Variants in RIMS1 observed in about 807,000 individuals in gnomAD.
RIMS1 encodes regulating synaptic membrane exocytosis 1, also known as regulating synaptic membrane exocytosis protein 1.
In RIMS1, 83 loss-of-function variants were observed where a neutral mutation model predicts 214.1. The observed-to-expected ratio is 0.39, with a 90% CI of 0.32 to 0.47. The LOEUF (loss-of-function observed/expected upper bound fraction) is 0.47. Among genes scored for constraint, RIMS1 ranks in the 20% least tolerant of loss-of-function variants. The probability of loss-of-function intolerance (pLI) is 0.99; values close to 1 mark genes in which losing one functional copy is unlikely to be tolerated. For synonymous variants in RIMS1, 793 were observed against 786.8 expected (o/e 1.01, Z -0.13); for missense variants, 2,050 against 2,161.8 (o/e 0.95, Z 1.03).
At chr6:72,242,481 G>A (rs148278159) in intron 10 of RIMS1, 44 bp downstream of exon 10, 2 of 1,395,908 alleles carry the variant, frequency 1.4e-6, no homozygotes, top group East Asian at 2.5e-5. Flanking sequence ...TAAATTACAT[G>A]TATTAGTAGG....
chr6:72,282,428 G>A (rs2090575003), intron 23 of RIMS1, among the ~76,000 whole-genome samples: 1 of 152,094 alleles, frequency 6.6e-6, no homozygotes, highest in Admixed American at 6.5e-5. Flanking sequence ...GACCACAGAA[G>A]CAATAAAGTA....
intron 29 of RIMS1, among the ~76,000 whole-genome samples, chr6:72,366,042 G>A (rs531502723): frequency 5.3e-5 from 8 of 152,312 alleles, no homozygotes; most frequent in African/African-American, 1.7e-4. Flanking sequence ...TATGATAAGG[G>A]TTAATGGAAA....
At chr6:72,157,011 A>G (rs2153919506) in intron 4 of RIMS1, among the ~76,000 whole-genome samples, 1 of 140,758 alleles carries the variant, frequency 7.1e-6, no homozygotes. Context: ...TATCTGTGCA[A>G]TTGGTCTAGT....
intron 2 of RIMS1, among the ~76,000 whole-genome samples, chr6:72,054,123 T>G (rs955541085): frequency 6.6e-6 from 1 of 151,366 alleles, no homozygotes; most frequent in African/African-American, 2.4e-5. Flanking sequence ...TTCCCCTCCC[T>G]TTGTCCATTC....
chr6:72,152,674 A>G (rs1285504638), intron 4 of RIMS1, among the ~76,000 whole-genome samples: 3 of 150,082 alleles, frequency 2.0e-5, no homozygotes, highest in African/African-American at 7.4e-5. Context: ...GGAAAGACAT[A>G]TATATTCCAT....
chr6:72,219,759 C>T (rs1032074377), intron 6 of RIMS1, among the ~76,000 whole-genome samples: 1 of 151,700 alleles, frequency 6.6e-6, no homozygotes, highest in African/African-American at 2.4e-5. Flanking sequence ...GCCCTTGAAA[C>T]TTGTTCTTCT....
intron 6 of RIMS1, among the ~76,000 whole-genome samples, chr6:72,184,395 A>G (rs924564172): frequency 1.3e-5 from 2 of 152,362 alleles, no homozygotes; most frequent in Admixed American, 1.3e-4. Context: ...CTGTTGCTGC[A>G]GCTACGTCAG....
chr6:72,246,655 C>T (rs1464704544), intron 11 of RIMS1, among the ~76,000 whole-genome samples: 1 of 152,100 alleles, frequency 6.6e-6, no homozygotes, highest in Admixed American at 6.5e-5. Context: ...GAAACAGACA[C>T]TAGGTTATCA....
chr6:72,023,303 C>T (rs186467261), intron 2 of RIMS1, among the ~76,000 whole-genome samples: 71 of 152,102 alleles, frequency 4.7e-4, no homozygotes, highest in Admixed American at 8.5e-4. Context: ...GTCATACTTA[C>T]GTGTTGTAAA....
intron 1 of RIMS1, among the ~76,000 whole-genome samples, chr6:71,951,849 G>A (rs952261559): frequency 6.6e-6 from 1 of 151,950 alleles, no homozygotes; most frequent in African/African-American, 2.4e-5. Context: ...GGTAAACCAA[G>A]CCTCGAACTC....
At chr6:72,313,821 T>G in intron 28 of RIMS1, 149 bp downstream of exon 28, 1 of 787,568 alleles carries the variant, frequency 1.3e-6, no homozygotes, top group Non-Finnish European at 2.0e-6. Flanking sequence ...CAACAGAATG[T>G]TTAGTATTGA....
chr6:71,940,557 G>C (rs1785753685), intron 1 of RIMS1, among the ~76,000 whole-genome samples: 1 of 152,100 alleles, frequency 6.6e-6, no homozygotes, highest in Non-Finnish European at 1.5e-5. Flanking sequence ...GAGTTAAATG[G>C]GCAAGGAAGA....
chr6:71,973,195 A>G (rs1190269046), intron 2 of RIMS1, among the ~76,000 whole-genome samples: 1 of 152,248 alleles, frequency 6.6e-6, no homozygotes, highest in Non-Finnish European at 1.5e-5. Context: ...GGTGTGAGCC[A>G]CTGCGCCCGG....
intron 29 of RIMS1, among the ~76,000 whole-genome samples, chr6:72,376,988 A>C (rs1248877729): frequency 6.6e-6 from 1 of 152,218 alleles, no homozygotes; most frequent in Non-Finnish European, 1.5e-5. Context: ...CTGAGCAATA[A>C]ATGGAAGTAC....
intron 2 of RIMS1, among the ~76,000 whole-genome samples, chr6:72,016,967 G>A (rs1812965608): frequency 6.6e-6 from 1 of 152,132 alleles, no homozygotes; most frequent in African/African-American, 2.4e-5. Context: ...TGAGGAAATG[G>A]TAATGTGCTA....
chr6:72,234,978 TTTAAAATA>T (rs1436804636), intron 7 of RIMS1, among the ~76,000 whole-genome samples: 1 of 152,108 alleles, frequency 6.6e-6, no homozygotes, highest in Middle Eastern at 3.2e-3. Flanking sequence ...TCCTTAGGAT[TTTAAAATA>T]TTTTTAGGTT....
intron 25 of RIMS1, among the ~76,000 whole-genome samples, chr6:72,291,550 G>T (rs757596237): frequency 1.3e-5 from 2 of 152,106 alleles, no homozygotes; most frequent in Non-Finnish European, 2.9e-5. Context: ...AGCAGTTTAG[G>T]CAACAGCCTT....
intron 2 of RIMS1, among the ~76,000 whole-genome samples, chr6:72,091,365 A>G (rs1011102047): frequency 2.0e-5 from 3 of 152,342 alleles, no homozygotes; most frequent in Admixed American, 6.5e-5. Flanking sequence ...AGAAGAAAAA[A>G]TACCAAATAG....
chr6:72,347,763 T>C (rs906513011), intron 29 of RIMS1, among the ~76,000 whole-genome samples: 1 of 151,886 alleles, frequency 6.6e-6, no homozygotes, highest in Non-Finnish European at 1.5e-5. Context: ...TCTGTCAGTT[T>C]GTCTGTCAAA....
Sources: allele counts gnomAD v4.1 joint callset (sites outside exome capture counted in the v4.1 genomes callset), GRCh38; gene constraint gnomAD v4.1.1; transcripts MANE v1.5; gene names NCBI Gene and HGNC (gene_info 2026-07-23, HGNC 2026-07-21).